The following ZNF521 variants were observed in gnomAD, a reference collection of about 807,000 sequenced individuals.
ZNF521 encodes zinc finger protein 521.
Under a neutral mutation model 105.5 loss-of-function variants are expected in ZNF521, and 14 were observed. The ratio of observed to expected loss-of-function variants is 0.13; its 90% CI spans 0.09 to 0.21. The LOEUF (loss-of-function observed/expected upper bound fraction) is 0.21, where lower values mean the gene tolerates loss of function less well. Ranked by LOEUF, ZNF521 falls within the 10% of genes least tolerant of loss-of-function variation. The pLI, the probability that ZNF521 is intolerant of heterozygous loss-of-function variation, is 1.00. For missense variants in ZNF521, 1,233 were observed against 1,629.7 expected (o/e 0.76, Z 4.19); for synonymous variants, 635 against 606.0 (o/e 1.05, Z -0.70).
At chr18:25,117,083 AT>A (rs879491812) in intron 5 of ZNF521, among the ~76,000 whole-genome samples, 942 of 9,056 alleles carry the variant, frequency 0.1, 17 homozygotes, top group Middle Eastern at 0.35. Context: ...ACACACACAC[AT>A]ACACACATCC....
At chr18:25,213,546 T>C (rs892147391) in intron 4 of ZNF521, among the ~76,000 whole-genome samples, 8 of 152,126 alleles carry the variant, frequency 5.3e-5, no homozygotes, top group Non-Finnish European at 1.5e-5. Context: ...TAGCTACTAA[T>C]ACTTTGTTCA....
intron 5 of ZNF521, among the ~76,000 whole-genome samples, chr18:25,108,107 C>T (rs1038637086): frequency 2.6e-5 from 4 of 152,198 alleles, no homozygotes; most frequent in African/African-American, 9.6e-5. Flanking sequence ...CAAAGTCAGA[C>T]TTTTTCTGAC....
chr18:25,079,046 G>A (rs2033430710), intron 7 of ZNF521, among the ~76,000 whole-genome samples: 3 of 152,334 alleles, frequency 2.0e-5, no homozygotes, highest in Admixed American at 2.0e-4. Flanking sequence ...TCTTTTAAGT[G>A]AAGTTCTGTA....
chr18:25,097,551 T>G (rs2144241801), intron 5 of ZNF521, among the ~76,000 whole-genome samples: 1 of 151,896 alleles, frequency 6.6e-6, no homozygotes, highest in South Asian at 2.1e-4. Context: ...AATATGGGAG[T>G]GTCTGGCACT....
At position 25,206,067 on chromosome 18, in the gene ZNF521, G is replaced by A. The variant is rs147768827; in HGVS notation, c.3574-10823C>T. 4.2e-3 allele frequency among the ~76,000 whole-genome samples: 631 copies of A among 152,028 alleles called. 7 individuals carry two copies. The highest frequency in any genetic ancestry group is 0.022 in the South Asian group (105 of 4,816). On this transcript the variant is annotated intron_variant, in intron 4 of 7. Transcript: ENST00000361524. Reference sequence around the variant, plus strand: ...CACACAGGCTGGAGTGCAATGGCACGATCTCGGCTCACTGCAACCTCCACC... The same window carrying A: ...CACACAGGCTGGAGTGCAATGGCACAATCTCGGCTCACTGCAACCTCCACC...
chr18:25,101,741 G>A (rs1017637338), intron 5 of ZNF521, among the ~76,000 whole-genome samples: 3 of 152,108 alleles, frequency 2.0e-5, no homozygotes, highest in African/African-American at 7.2e-5. Context: ...AAGGGAAGCA[G>A]CAGGGAGAAA....
At chr18:25,129,907 C>T (rs915253889) in intron 5 of ZNF521, among the ~76,000 whole-genome samples, 1 of 152,100 alleles carries the variant, frequency 6.6e-6, no homozygotes, top group Non-Finnish European at 1.5e-5. Flanking sequence ...ATTATACTGC[C>T]TCACTGAAAG....
At chr18:25,325,589 A>G (rs1009404932) in intron 2 of ZNF521, among the ~76,000 whole-genome samples, 4 of 152,108 alleles carry the variant, frequency 2.6e-5, no homozygotes, top group African/African-American at 9.7e-5. Context: ...CTGCAACTAC[A>G]AACTGTGTCA....
intron 5 of ZNF521, among the ~76,000 whole-genome samples, chr18:25,174,501 G>C (rs7235332): frequency 0.21 from 32,069 of 152,166 alleles, 3,657 homozygotes; most frequent in Middle Eastern, 0.29. Flanking sequence ...GCAGGTGGGG[G>C]AGACAGCGAG....
intron 3 of ZNF521, among the ~76,000 whole-genome samples, chr18:25,293,351 TAC>T (rs55818021): frequency 0.027 from 3,836 of 142,982 alleles, 46 homozygotes; most frequent in South Asian, 0.064. Flanking sequence ...CATGTACACA[TAC>T]ACACACACAC....
intron 5 of ZNF521, among the ~76,000 whole-genome samples, chr18:25,155,136 G>A (rs570111572): frequency 2.6e-5 from 4 of 152,146 alleles, no homozygotes; most frequent in African/African-American, 7.2e-5. Context: ...TCCTTGATTA[G>A]TGATGTTGAG....
intron 5 of ZNF521, among the ~76,000 whole-genome samples, chr18:25,147,403 T>C (rs1447969414): frequency 6.6e-6 from 1 of 152,190 alleles, no homozygotes; most frequent in Non-Finnish European, 1.5e-5. Flanking sequence ...ATTTTCCAAA[T>C]TCCCCTCACA....
At chr18:25,350,257 G>C (rs1027116387) in intron 2 of ZNF521, among the ~76,000 whole-genome samples, 1 of 152,066 alleles carries the variant, frequency 6.6e-6, no homozygotes, top group Non-Finnish European at 1.5e-5. Flanking sequence ...AGAAGTAGGG[G>C]CGAGGGGCGG....
intron 5 of ZNF521, among the ~76,000 whole-genome samples, chr18:25,129,032 C>A (rs1008560254): frequency 2.0e-5 from 3 of 151,620 alleles, no homozygotes; most frequent in African/African-American, 7.3e-5. Context: ...AGAACTAATG[C>A]CACTCAACTT....
At chr18:25,083,931 ATTTTTTT>A (rs56364504) in intron 7 of ZNF521, among the ~76,000 whole-genome samples, 7 of 57,890 alleles carry the variant, frequency 1.2e-4, no homozygotes, top group African/African-American at 2.2e-4. Flanking sequence ...AACCTGGGTA[ATTTTTTT>A]TTTTTTTTTT....
At chr18:25,069,352 A>T (rs1237140696) in intron 7 of ZNF521, among the ~76,000 whole-genome samples, 1 of 152,206 alleles carries the variant, frequency 6.6e-6, no homozygotes, top group African/African-American at 2.4e-5. Flanking sequence ...GCATCTTAAT[A>T]AGGTTAACAG....
At chr18:25,176,972 C>T (rs1325977369) in intron 5 of ZNF521, among the ~76,000 whole-genome samples, 2 of 152,208 alleles carry the variant, frequency 1.3e-5, no homozygotes, top group Non-Finnish European at 2.9e-5. Flanking sequence ...CACTTACCAG[C>T]CCCCTTCTCC....
At position 25,300,165 on chromosome 18, in the gene ZNF521, A is replaced by G. The variant is rs79365042; in HGVS notation, c.220+21843T>C. Among the ~76,000 whole-genome samples the G allele has an allele frequency of 8.6e-3, 1,305 of 152,306 alleles. 21 individuals are homozygous for G. Among genetic ancestry groups the G allele is most frequent in the African/African-American group, 0.03 (1,233 of 41,568 alleles). ...GACTGGTTAGAAAAGCGACAACCAC[A>G]GCCCCCAGTGACAGTACAGTCTGAG... On this transcript the variant is annotated intron_variant, in intron 3 of 7. Transcript: ENST00000361524.
At chr18:25,100,890 T>C (rs541854508) in intron 5 of ZNF521, among the ~76,000 whole-genome samples, 3 of 152,278 alleles carry the variant, frequency 2.0e-5, no homozygotes, top group African/African-American at 7.2e-5. Flanking sequence ...CCACTAGTTT[T>C]ATTTAGGAAG....
Sources: gnomAD v4.1 joint callset for allele counts (sites outside exome capture counted in the v4.1 genomes callset) on GRCh38, gnomAD v4.1.1 for gene constraint, MANE v1.5 for transcripts, NCBI Gene and HGNC (gene_info 2026-07-23, HGNC 2026-07-21) for gene names.